ZNF423: variants seen among roughly 807,000 people sequenced by gnomAD.
The protein encoded by ZNF423 is zinc finger protein 423, also known as Ebf-associated zinc finger protein.
A neutral mutation model predicts 95.8 loss-of-function variants in ZNF423; 12 were observed. The ratio of observed to expected loss-of-function variants is 0.13; its 90% CI spans 0.08 to 0.20. ZNF423 has a LOEUF of 0.20. Among genes scored for constraint, ZNF423 ranks in the 10% least tolerant of loss-of-function variants. The probability of loss-of-function intolerance (pLI) is 1.00; values close to 1 mark genes in which losing one functional copy is unlikely to be tolerated. For synonymous variants in ZNF423, 749 were observed against 711.9 expected, an observed-to-expected ratio of 1.05 and a Z score of -0.83; for missense variants, 1,316 against 1,737.1, an observed-to-expected ratio of 0.76 and a Z score of 4.31.
chr16:49,647,410 A>C (rs1419576104), intron 3 of ZNF423, among the ~76,000 whole-genome samples: 1 of 152,246 alleles, frequency 6.6e-6, no homozygotes, highest in African/African-American at 2.4e-5. Flanking sequence ...TCCAAGTCTT[A>C]ACTTCCAAAA....
At chr16:49,598,328 G>C (rs1297419407) in intron 5 of ZNF423, among the ~76,000 whole-genome samples, 1 of 152,222 alleles carries the variant, frequency 6.6e-6, no homozygotes, top group Non-Finnish European at 1.5e-5. Flanking sequence ...ATAAAACTTT[G>C]AGGGAAAACT....
chr16:49,597,112 G>A (rs972046665), intron 5 of ZNF423, among the ~76,000 whole-genome samples: 1 of 152,168 alleles, frequency 6.6e-6, no homozygotes, highest in Non-Finnish European at 1.5e-5. Flanking sequence ...AAGATGGCTG[G>A]AGCACTCCAA....
chr16:49,636,464 G>T lies in ZNF423; in HGVS notation c.2712C>A (p.Thr904=). 1 of 1,613,562 alleles carries T rather than the reference G, an allele frequency of 6.2e-7. No individual in the cohort carries two copies. The highest frequency in any genetic ancestry group is 8.5e-7 in the Non-Finnish European group (1 of 1,180,018). ...GGTGATTCTGCAGCAGCACCTCCAT[G>T]GTGTAGGCCGCCCCACAGATGTCAC... ...YGCDICGAAY[T]MEVLLQNHRL... is the part of the protein sequence containing the mutation. The change falls in exon 4 of 8, where the codon ACC becomes ACA. Residue 904 remains threonine (T), a synonymous_variant. Coordinates refer to ENST00000563137, the MANE Select transcript of ZNF423 (RefSeq NM_001379286.1). This position sits in a 1 kb window ranked among gnomAD's most constrained non-coding sequence, Gnocchi z 8.6.
intron 2 of ZNF423, among the ~76,000 whole-genome samples, chr16:49,753,378 G>A (rs1054943079): frequency 1.3e-5 from 2 of 151,424 alleles, no homozygotes; most frequent in African/African-American, 4.9e-5. Flanking sequence ...GAGGTGGGAG[G>A]ATTGCTTGAG....
chr16:49,568,537 A>G (rs1970263885), intron 5 of ZNF423, among the ~76,000 whole-genome samples: 1 of 152,196 alleles, frequency 6.6e-6, no homozygotes, highest in South Asian at 2.1e-4. Context: ...TATGCCTCCT[A>G]AATCTTCAGT....
intron 5 of ZNF423, among the ~76,000 whole-genome samples, chr16:49,543,830 G>A (rs1396041047): frequency 6.6e-6 from 1 of 152,198 alleles, no homozygotes; most frequent in East Asian, 1.9e-4. Context: ...CGGTCACAGC[G>A]ACCGCCACTC....
At chr16:49,791,390 C>A (rs1158690988) in intron 1 of ZNF423, among the ~76,000 whole-genome samples, 1 of 152,214 alleles carries the variant, frequency 6.6e-6, no homozygotes, top group Non-Finnish European at 1.5e-5. Flanking sequence ...CTAAAGCCAT[C>A]AGAAGCGGGC....
At chr16:49,814,822 G>T (rs2034811523) in intron 1 of ZNF423, among the ~76,000 whole-genome samples, 1 of 150,936 alleles carries the variant, frequency 6.6e-6, no homozygotes. Flanking sequence ...TGGCATGTGA[G>T]CAGGGAGCCA....
chr16:49,607,154 G>A (rs1180754583), intron 5 of ZNF423, among the ~76,000 whole-genome samples: 1 of 147,378 alleles, frequency 6.8e-6, no homozygotes, highest in African/African-American at 2.5e-5. Flanking sequence ...CTGAGTTGTT[G>A]TTTTGTTTTT....
chr16:49,598,428 T>G lies in ZNF423; in HGVS notation c.3601+27742A>C, dbSNP rs142942862. ...TTACCATCATTATCATTTTTGTCAT[T>G]CCAGAGCTGGCACTTGGAGCATCAT... On this transcript the variant is annotated intron_variant, in intron 5 of 7. Transcript: ENST00000563137. Among the ~76,000 whole-genome samples, 495 of 152,370 alleles carry G rather than the reference T, an allele frequency of 3.2e-3. 3 individuals are homozygous for G. The highest frequency in any genetic ancestry group is 0.012 in the African/African-American group (479 of 41,590).
chr16:49,693,183 C>T (rs1044852842), intron 3 of ZNF423, among the ~76,000 whole-genome samples: 2 of 152,240 alleles, frequency 1.3e-5, no homozygotes, highest in East Asian at 3.9e-4. Context: ...CCCCTTCCTA[C>T]TTCCCTCCTT....
chr16:49,696,385 G>A (rs1008485143), intron 3 of ZNF423, among the ~76,000 whole-genome samples: 3 of 152,186 alleles, frequency 2.0e-5, no homozygotes, highest in Non-Finnish European at 4.4e-5. Context: ...GCCACACCAA[G>A]CTCTAGCTCC....
In ZNF423 at chr16:49,596,474, C is replaced by T. The variant is rs577409046; in HGVS notation, c.3601+29696G>A. Among the ~76,000 whole-genome samples, 9 of 152,316 alleles carry T rather than the reference C, an allele frequency of 5.9e-5. No individual in the cohort carries two copies. The South Asian group carries it at 1.9e-3, about 32-fold the overall frequency. On this transcript the variant is annotated intron_variant, in intron 5 of 7. Transcript: ENST00000563137. ...CCTAAACACAAGAAAAACTGTAACA[C>T]CATGTAAAATGCAAATCTTGCTGTA... is the stretch of plus-strand genomic sequence containing the variant.
chr16:49,752,917 A>G (rs1233341859), intron 2 of ZNF423, among the ~76,000 whole-genome samples: 1 of 152,228 alleles, frequency 6.6e-6, no homozygotes, highest in African/African-American at 2.4e-5. Context: ...TCAACCGCAG[A>G]GACAAAATCC....
In ZNF423 at chr16:49,718,060, TTGCTCACCCAG is replaced by T. The variant is rs1196858360; in HGVS notation, c.301+12700_301+12710del. ...ACAAGGGCAGGAACTGTTGTCTGTT[TTGCTCACCCAG>T]TGCTCACCCAGTGTTTTGCTCACCC... On this transcript the variant is annotated intron_variant, in intron 3 of 7. Coordinates refer to ENST00000563137, the MANE Select transcript of ZNF423 (RefSeq NM_001379286.1). Among the ~76,000 whole-genome samples the T allele has an allele frequency of 6.6e-5, 10 of 152,150 alleles. No homozygotes were observed. The South Asian group carries it at 1.2e-3, about 19-fold the overall frequency.
At chr16:49,724,233 G>T (rs2032945305) in intron 3 of ZNF423, among the ~76,000 whole-genome samples, 1 of 152,146 alleles carries the variant, frequency 6.6e-6, no homozygotes, top group East Asian at 1.9e-4. Context: ...TTCTTACTGG[G>T]TTTGCTCCCT....
At chr16:49,643,777 C>T (rs904967492) in intron 3 of ZNF423, among the ~76,000 whole-genome samples, 3 of 152,046 alleles carry the variant, frequency 2.0e-5, no homozygotes, top group African/African-American at 4.8e-5. Context: ...TTATATGAGG[C>T]TTTTGCTGTC....
At chr16:49,733,704 G>A (rs2033221900) in intron 2 of ZNF423, among the ~76,000 whole-genome samples, 1 of 152,140 alleles carries the variant, frequency 6.6e-6, no homozygotes, top group Non-Finnish European at 1.5e-5. Flanking sequence ...CTCCCAAGGG[G>A]TCCCAGCCTG....
In ZNF423 at chr16:49,638,849, G is replaced by T. The variant is rs1301443945; in HGVS notation, c.327C>A (p.Ser109=). Residue 109 remains serine, a synonymous_variant, in exon 4 of 8, where the codon TCC becomes TCA. Transcript: ENST00000563137. The surrounding 1 kb of genome is among the most constrained non-coding windows in gnomAD (Gnocchi z 5.6). ...PGDGDDDPQL[S]WVASSPSSKD... ...TGCTGGAGGGAGACGAGGCCACCCA[G>T]GAGAGTTGTGGGTCGTCATCACCAT... 6.2e-7 allele frequency: 1 copy of T among 1,610,390 alleles called. No individual in the cohort carries two copies. The highest frequency in any genetic ancestry group is 8.5e-7 in the Non-Finnish European group (1 of 1,177,550).
Sources: gnomAD v4.1 joint callset for allele counts (sites outside exome capture counted in the v4.1 genomes callset) on GRCh38, gnomAD v4.1.1 for gene constraint, Gnocchi (gnomAD v3.1) non-coding constraint, MANE v1.5 for transcripts, NCBI Gene and HGNC (gene_info 2026-07-23, HGNC 2026-07-21) for gene names.